The following NKAIN3 variants were observed in gnomAD, a reference collection of about 807,000 sequenced individuals.
NKAIN3 encodes the protein sodium/potassium transporting ATPase interacting 3.
NKAIN3 carries 25 observed loss-of-function variants against 30.2 expected under a neutral mutation model. The observed-to-expected ratio is 0.83, with a 90% CI of 0.60 to 1.16. NKAIN3 has a LOEUF of 1.16. Among genes scored for constraint, NKAIN3 ranks in the 50% most tolerant of loss-of-function variants. The probability of loss-of-function intolerance (pLI) is 0.00; values close to 1 mark genes in which losing one functional copy is unlikely to be tolerated. For missense variants in NKAIN3, 225 were observed against 254.1 expected (o/e 0.89, Z 0.78); for synonymous variants, 91 against 89.6 (o/e 1.02, Z -0.09).
intron 1 of NKAIN3, among the ~76,000 whole-genome samples, chr8:62,502,820 G>A (rs930915511): frequency 6.6e-6 from 1 of 152,218 alleles, no homozygotes; most frequent in Non-Finnish European, 1.5e-5. Context: ...CAATTGGACT[G>A]TGAGGAAGTA....
At chr8:62,961,332 A>G (rs1823564753) in intron 6 of NKAIN3, among the ~76,000 whole-genome samples, 1 of 152,100 alleles carries the variant, frequency 6.6e-6, no homozygotes, top group South Asian at 2.1e-4. Flanking sequence ...CAGATGTGCT[A>G]CAATAAGAAG....
intron 4 of NKAIN3, among the ~76,000 whole-genome samples, chr8:62,763,574 G>A (rs1451224478): frequency 6.6e-6 from 1 of 152,126 alleles, no homozygotes; most frequent in Non-Finnish European, 1.5e-5. Context: ...AGGAAGTCCT[G>A]CAGACAATGA....
rs1360569188 is a variant in NKAIN3 at position 62,969,074 on chromosome 8, C to G, written c.*3667C>G. Among the ~76,000 whole-genome samples the G allele has an allele frequency of 6.6e-6, 1 of 152,194 alleles. No individual in the cohort carries two copies. Among genetic ancestry groups the G allele is most frequent in the Non-Finnish European group, 1.5e-5 (1 of 68,032 alleles). ...GTCCCTCAAATGAGAAAAATGAAAA[C>G]ACACTTTCTTACCACTTCAAATCTG... On this transcript the variant is annotated 3_prime_UTR_variant, in exon 7 of 7. Transcript: ENST00000623646.
intron 1 of NKAIN3, among the ~76,000 whole-genome samples, chr8:62,398,921 C>T (rs926104812): frequency 1.3e-5 from 2 of 152,118 alleles, no homozygotes; most frequent in African/African-American, 4.8e-5. Context: ...GAAACCGTGT[C>T]TCTACTAAAA....
At chr8:62,514,563 C>T (rs548053746) in intron 1 of NKAIN3, among the ~76,000 whole-genome samples, 83 of 152,188 alleles carry the variant, frequency 5.5e-4, no homozygotes, top group South Asian at 1.2e-3. Flanking sequence ...ATTTCCTTAC[C>T]GTGAACAACA....
At chr8:62,292,593 G>T (rs1457279420) in intron 1 of NKAIN3, among the ~76,000 whole-genome samples, 13 of 152,166 alleles carry the variant, frequency 8.5e-5, no homozygotes, top group Non-Finnish European at 1.6e-4. Context: ...TAGAGTTTCT[G>T]CTGAGAGATC....
chr8:62,942,796 G>A (rs1371839216), intron 5 of NKAIN3, among the ~76,000 whole-genome samples: 4 of 151,938 alleles, frequency 2.6e-5, no homozygotes, highest in East Asian at 1.9e-4. Context: ...CACCCTATTC[G>A]ACAAATGGTG....
At position 62,320,688 on chromosome 8, in the gene NKAIN3, C is replaced by T. The variant is rs565445470; in HGVS notation, c.54+71561C>T. On this transcript the variant is annotated intron_variant, in intron 1 of 6. Coordinates refer to ENST00000623646, the MANE Select transcript of NKAIN3 (RefSeq NM_001304533.3). ...CACTCTCTTCTGGCTTGTAGAGTTT[C>T]TGCCAAGAGATCAGCTGTTAGTCTG... Among the ~76,000 whole-genome samples the T allele has an allele frequency of 6.6e-5, 10 of 152,332 alleles. No homozygotes were observed. In the South Asian group the frequency reaches 1.4e-3, roughly 22 times the overall value.
chr8:62,330,812 C>G (rs1176179946), intron 1 of NKAIN3, among the ~76,000 whole-genome samples: 1 of 151,906 alleles, frequency 6.6e-6, no homozygotes, highest in Admixed American at 6.6e-5. Context: ...AGTTTCACTC[C>G]TAGCCATACC....
chr8:62,767,406 AG>A (rs1440999815), intron 4 of NKAIN3, among the ~76,000 whole-genome samples: 1 of 152,218 alleles, frequency 6.6e-6, no homozygotes, highest in African/African-American at 2.4e-5. Context: ...CCTCATGGAA[AG>A]CACCTACAAG....
rs1699375495 is a variant in NKAIN3, at chr8:62,248,923, C to A, written c.-151C>A. ...CCGCCGGGAAACTAACAAAGGCGGG[C>A]GCGAGCCCCGAGCCCTGGAGCCGCG... is the stretch of plus-strand genomic sequence containing the variant. On this transcript the variant is annotated 5_prime_UTR_variant, in exon 1 of 7. Coordinates refer to ENST00000623646, the MANE Select transcript of NKAIN3 (RefSeq NM_001304533.3). The A allele has an allele frequency of 9.7e-6, 6 of 620,756 alleles. No homozygotes were observed. Among genetic ancestry groups the A allele is most frequent in the Admixed American group, 3.9e-5 (1 of 25,820 alleles). 38.5% of individuals were successfully genotyped at this position (620,756 alleles called of 1,614,324 possible). A position where few individuals can be genotyped will look rare whatever the true frequency, so the allele number is the denominator to read the frequency against.
At chr8:62,429,840 G>A (rs940909654) in intron 1 of NKAIN3, among the ~76,000 whole-genome samples, 12 of 151,796 alleles carry the variant, frequency 7.9e-5, no homozygotes, top group East Asian at 3.9e-4. Context: ...AAATATATAC[G>A]TAACATAGAA....
At chr8:62,485,617 T>C (rs1806874644) in intron 1 of NKAIN3, among the ~76,000 whole-genome samples, 1 of 152,206 alleles carries the variant, frequency 6.6e-6, no homozygotes, top group Admixed American at 6.5e-5. Context: ...CACAACTGAA[T>C]GCAACACAAC....
intron 1 of NKAIN3, among the ~76,000 whole-genome samples, chr8:62,432,778 G>A (rs1585802523): frequency 6.6e-6 from 1 of 152,228 alleles, no homozygotes; most frequent in African/African-American, 2.4e-5. Context: ...AAGAACAGGA[G>A]ACTGTTTTTT....
At chr8:62,568,142 G>A (rs1809815355) in intron 1 of NKAIN3, among the ~76,000 whole-genome samples, 1 of 152,130 alleles carries the variant, frequency 6.6e-6, no homozygotes, top group African/African-American at 2.4e-5. Flanking sequence ...ATGAAACACA[G>A]CATCATGCAT....
chr8:62,419,536 TAG>T (rs1804565810), intron 1 of NKAIN3, among the ~76,000 whole-genome samples: 1 of 152,206 alleles, frequency 6.6e-6, no homozygotes, highest in African/African-American at 2.4e-5. Flanking sequence ...AATGCTGTCA[TAG>T]AGAGGGCTCA....
At chr8:62,837,174 T>G (rs1036607472) in intron 4 of NKAIN3, among the ~76,000 whole-genome samples, 28 of 152,162 alleles carry the variant, frequency 1.8e-4, no homozygotes, top group Non-Finnish European at 3.7e-4. Flanking sequence ...AATGAATGTT[T>G]TCTTCTTTCT....
At chr8:62,904,010 C>T (rs953475670) in intron 4 of NKAIN3, among the ~76,000 whole-genome samples, 11 of 152,144 alleles carry the variant, frequency 7.2e-5, no homozygotes, top group Non-Finnish European at 1.5e-4. Flanking sequence ...GGAAACAGAG[C>T]CAAACCATAT....
intron 3 of NKAIN3, among the ~76,000 whole-genome samples, chr8:62,684,906 C>T (rs2130427400): frequency 6.6e-6 from 1 of 152,228 alleles, no homozygotes. Flanking sequence ...CTAGCCCTGT[C>T]TACTCCTTGA....
Sources: allele counts gnomAD v4.1 joint callset (sites outside exome capture counted in the v4.1 genomes callset), GRCh38; gene constraint gnomAD v4.1.1; transcripts MANE v1.5; gene names NCBI Gene and HGNC (gene_info 2026-07-23, HGNC 2026-07-21).